The following DAB1 variants were observed in gnomAD, a reference collection of about 807,000 sequenced individuals.
DAB1 encodes DAB adaptor protein 1.
In DAB1, 15 loss-of-function variants were observed where a neutral mutation model predicts 64.6. The observed-to-expected ratio is 0.23, with a 90% CI of 0.16 to 0.36. The LOEUF is 0.36. Ranked by LOEUF, DAB1 falls within the 10% of genes least tolerant of loss-of-function variation. The pLI is 1.00. For synonymous variants in DAB1, 235 were observed against 251.9 expected, an observed-to-expected ratio of 0.93 and a Z score of 0.64; for missense variants, 596 against 706.7, an observed-to-expected ratio of 0.84 and a Z score of 1.78.
intron 5 of DAB1, among the ~76,000 whole-genome samples, chr1:58,128,585 C>T (rs879843397): frequency 7.7e-6 from 1 of 130,718 alleles, no homozygotes; most frequent in Non-Finnish European, 1.6e-5. Flanking sequence ...ATGATATTGG[C>T]TGTGGGTTTG....
At chr1:57,123,513 T>C (rs1002682242) in intron 4 of DAB1, among the ~76,000 whole-genome samples, 7 of 152,138 alleles carry the variant, frequency 4.6e-5, no homozygotes, top group Non-Finnish European at 8.8e-5. Flanking sequence ...ATCATACATC[T>C]AGCAGTACAA....
At chr1:57,786,553 G>A (rs1456233502) in intron 6 of DAB1, among the ~76,000 whole-genome samples, 1 of 152,152 alleles carries the variant, frequency 6.6e-6, no homozygotes, top group East Asian at 1.9e-4. Flanking sequence ...AAGCTAATAT[G>A]TTTTGAGTTA....
intron 3 of DAB1, among the ~76,000 whole-genome samples, chr1:58,450,298 G>A (rs1645118255): frequency 6.6e-6 from 1 of 152,274 alleles, no homozygotes; most frequent in Non-Finnish European, 1.5e-5. Context: ...TGACTCAAAG[G>A]TGACCTGAAA....
At chr1:58,444,558 A>G (rs1237771207) in intron 3 of DAB1, among the ~76,000 whole-genome samples, 2 of 152,224 alleles carry the variant, frequency 1.3e-5, no homozygotes, top group Non-Finnish European at 2.9e-5. Flanking sequence ...CCAGCCAGCA[A>G]AAATGATATG....
At position 57,132,890 on chromosome 1, in the gene DAB1, A is replaced by G. The variant is rs141124982; in HGVS notation, c.306+3653T>C. Among the ~76,000 whole-genome samples, 542 of 152,320 alleles carry G rather than the reference A, an allele frequency of 3.6e-3. 2 individuals carry two copies. The highest frequency in any genetic ancestry group is 0.01 in the Middle Eastern group (3 of 294). ...GATAATAGGGAATCTGCTCTAATATAGATAAAAGCATCAAATGATTTTATA... is the reference window on the plus strand; with the variant it reads ...GATAATAGGGAATCTGCTCTAATATGGATAAAAGCATCAAATGATTTTATA... On this transcript the variant is annotated intron_variant, in intron 4 of 14. Coordinates refer to ENST00000371236, the MANE Select transcript of DAB1 (RefSeq NM_001365792.1).
At chr1:58,284,965 A>G (rs2406648) in intron 4 of DAB1, among the ~76,000 whole-genome samples, 99,612 of 152,120 alleles carry the variant, frequency 0.65, 33,892 homozygotes, top group East Asian at 0.85. Flanking sequence ...CTGTTCATAT[A>G]TCTGCTTCCC....
upstream of DAB1, among the ~76,000 whole-genome samples, chr1:57,427,910 G>A (rs1173763120): frequency 3.3e-5 from 5 of 152,182 alleles, no homozygotes. Context: ...GCTCACACCT[G>A]TAATCTCAGC....
chr1:58,328,316 C>G (rs1461386685), intron 4 of DAB1, among the ~76,000 whole-genome samples: 68 of 152,212 alleles, frequency 4.5e-4, no homozygotes, highest in Admixed American at 4.4e-3. Flanking sequence ...TCAAAGCAGC[C>G]CTGCTTCTCC....
At chr1:57,679,214 A>G (rs1239663990) in intron 6 of DAB1, among the ~76,000 whole-genome samples, 1 of 152,184 alleles carries the variant, frequency 6.6e-6, no homozygotes, top group Non-Finnish European at 1.5e-5. Flanking sequence ...CCATTCTCTT[A>G]ATCTTCTGTA....
intron 2 of DAB1, among the ~76,000 whole-genome samples, chr1:57,262,949 C>A (rs1670293937): frequency 6.6e-6 from 1 of 152,112 alleles, no homozygotes; most frequent in African/African-American, 2.4e-5. Flanking sequence ...ATGAGCACAA[C>A]ACATGGCAAA....
chr1:57,534,997 C>A (rs183262130), intron 7 of DAB1, among the ~76,000 whole-genome samples: 216 of 152,252 alleles, frequency 1.4e-3, no homozygotes, highest in African/African-American at 4.9e-3. Flanking sequence ...GTGTTCTCTG[C>A]CTGAAATGCT....
At chr1:57,226,557 C>T (rs1348989997) in intron 2 of DAB1, among the ~76,000 whole-genome samples, 2 of 151,646 alleles carry the variant, frequency 1.3e-5, no homozygotes, top group Non-Finnish European at 2.9e-5. Flanking sequence ...CCATTTGCAT[C>T]TTCAGTATTT....
chr1:57,504,740 C>T (rs558149272), intron 7 of DAB1, among the ~76,000 whole-genome samples: 7 of 152,152 alleles, frequency 4.6e-5, no homozygotes, highest in African/African-American at 1.2e-4. Context: ...GTGGAGAAGC[C>T]GGACAAACAC....
chr1:57,410,164 T>C (rs565620997), intron 1 of DAB1, among the ~76,000 whole-genome samples: 2 of 152,252 alleles, frequency 1.3e-5, no homozygotes, highest in East Asian at 1.9e-4. Flanking sequence ...TTGGGAATAA[T>C]AAGAAATTAA....
intron 7 of DAB1, among the ~76,000 whole-genome samples, chr1:57,536,952 G>T (rs1361173480): frequency 6.6e-6 from 1 of 152,182 alleles, no homozygotes; most frequent in Non-Finnish European, 1.5e-5. Context: ...ACAACAGAGA[G>T]CCCTGCCCTT....
At chr1:58,111,516 A>G (rs1651962463) in intron 5 of DAB1, among the ~76,000 whole-genome samples, 1 of 152,118 alleles carries the variant, frequency 6.6e-6, no homozygotes, top group Non-Finnish European at 1.5e-5. Context: ...TAATAAAGGG[A>G]TTTGATATTT....
chr1:57,784,912 T>C (rs914546198), intron 6 of DAB1, among the ~76,000 whole-genome samples: 2 of 152,204 alleles, frequency 1.3e-5, no homozygotes, highest in African/African-American at 4.8e-5. Context: ...GAAGATGCCA[T>C]GACATCTAGG....
intron 1 of DAB1, among the ~76,000 whole-genome samples, chr1:57,312,430 C>T (rs1266577348): frequency 6.6e-6 from 1 of 151,948 alleles, no homozygotes; most frequent in Non-Finnish European, 1.5e-5. Flanking sequence ...TAACCTAAGT[C>T]TTTCATTTTA....
chr1:57,826,931 C>T (rs1004857511), intron 1 of DAB1, among the ~76,000 whole-genome samples: 2 of 152,168 alleles, frequency 1.3e-5, no homozygotes, highest in Admixed American at 1.3e-4. Flanking sequence ...AGAAAGTAAT[C>T]AATAATCATT....
Sources: gnomAD v4.1 joint callset for allele counts (sites outside exome capture counted in the v4.1 genomes callset) on GRCh38, gnomAD v4.1.1 for gene constraint, MANE v1.5 for transcripts, NCBI Gene and HGNC (gene_info 2026-07-23, HGNC 2026-07-21) for gene names.